The following STAU2 variants were observed in gnomAD, a reference collection of about 807,000 sequenced individuals.
STAU2 encodes the protein staufen double-stranded RNA binding protein 2.
Under a neutral mutation model 65.9 loss-of-function variants are expected in STAU2, and 20 were observed. The ratio of observed to expected loss-of-function variants is 0.30; its 90% CI spans 0.21 to 0.44. The LOEUF (loss-of-function observed/expected upper bound fraction) is 0.44. Ranked by LOEUF, STAU2 falls within the 20% of genes least tolerant of loss-of-function variation. The pLI, the probability that STAU2 is intolerant of heterozygous loss-of-function variation, is 1.00. For missense variants in STAU2, 558 were observed against 683.9 expected (o/e 0.82, Z 2.05); for synonymous variants, 232 against 233.9 (o/e 0.99, Z 0.07).
chr8:73,642,882 G>A (rs1442967967), intron 6 of STAU2, among the ~76,000 whole-genome samples: 2 of 152,196 alleles, frequency 1.3e-5, no homozygotes, highest in Non-Finnish European at 2.9e-5. Context: ...ACTGCAGCCA[G>A]TGTGGCTGGA....
intron 13 of STAU2, among the ~76,000 whole-genome samples, chr8:73,435,929 T>C (rs1223868960): frequency 2.0e-5 from 3 of 151,862 alleles, no homozygotes; most frequent in Non-Finnish European, 4.4e-5. Context: ...AGGGCAATCA[T>C]GGCTGAGTTC....
At chr8:73,438,369 C>T (rs1320903033) in intron 13 of STAU2, among the ~76,000 whole-genome samples, 2 of 152,184 alleles carry the variant, frequency 1.3e-5, no homozygotes, top group Admixed American at 6.5e-5. Context: ...GAGGAAAGGA[C>T]ATACAGCAAT....
intron 13 of STAU2, among the ~76,000 whole-genome samples, chr8:73,464,115 C>G (rs759403324): frequency 9.9e-5 from 15 of 152,084 alleles, no homozygotes; most frequent in Non-Finnish European, 1.5e-5. Context: ...TAAACTTTTC[C>G]GGGATATTGC....
At chr8:73,583,149 CTT>C (rs111660605) in intron 11 of STAU2, among the ~76,000 whole-genome samples, 38 of 141,542 alleles carry the variant, frequency 2.7e-4, no homozygotes, top group Admixed American at 3.5e-4. Context: ...AAAAATAAAT[CTT>C]TTTTTTTTTT....
At chr8:73,578,772 G>C (rs1051303950) in intron 12 of STAU2, among the ~76,000 whole-genome samples, 1 of 152,136 alleles carries the variant, frequency 6.6e-6, no homozygotes, top group African/African-American at 2.4e-5. Flanking sequence ...TATGTCTAAA[G>C]AAATAATTAA....
At chr8:73,524,885 T>TAC (rs1823261521) in intron 13 of STAU2, among the ~76,000 whole-genome samples, 1 of 152,204 alleles carries the variant, frequency 6.6e-6, no homozygotes, top group South Asian at 2.1e-4. Flanking sequence ...GAGATCAAGT[T>TAC]GATGCTGCTA....
intron 13 of STAU2, among the ~76,000 whole-genome samples, chr8:73,512,550 T>A (rs1822465694): frequency 6.6e-6 from 1 of 152,198 alleles, no homozygotes; most frequent in African/African-American, 2.4e-5. Context: ...GGTTTTTTTT[T>A]ACCAGTATAT....
chr8:73,505,261 A>G (rs1288331581), intron 13 of STAU2, among the ~76,000 whole-genome samples: 2 of 152,120 alleles, frequency 1.3e-5, no homozygotes, highest in East Asian at 3.9e-4. Context: ...GTAAAAATTA[A>G]TAAAACAGTT....
intron 12 of STAU2, among the ~76,000 whole-genome samples, chr8:73,557,487 C>A (rs1807877172): frequency 6.6e-6 from 1 of 152,132 alleles, no homozygotes; most frequent in Non-Finnish European, 1.5e-5. Context: ...TTAGGGTATG[C>A]ATATTTAAGG....
At chr8:73,587,055 C>A (rs1222114811) in intron 11 of STAU2, among the ~76,000 whole-genome samples, 1 of 151,972 alleles carries the variant, frequency 6.6e-6, no homozygotes, top group Non-Finnish European at 1.5e-5. Context: ...TATCTCAGAA[C>A]CCCTGAGAAA....
intron 13 of STAU2, among the ~76,000 whole-genome samples, chr8:73,526,464 A>G (rs1192909727): frequency 6.6e-6 from 1 of 152,244 alleles, no homozygotes; most frequent in Non-Finnish European, 1.5e-5. Context: ...TTGGACAATG[A>G]TAAATCATGA....
chr8:73,498,202 T>A (rs999868874), intron 13 of STAU2, among the ~76,000 whole-genome samples: 1 of 151,870 alleles, frequency 6.6e-6, no homozygotes, highest in African/African-American at 2.4e-5. Context: ...TGTAGTCACC[T>A]ATAATTCCTC....
chr8:73,717,426 T>C (rs561096050), intron 3 of STAU2, among the ~76,000 whole-genome samples: 1 of 152,322 alleles, frequency 6.6e-6, no homozygotes, highest in East Asian at 1.9e-4. Flanking sequence ...CAGAAGCCAT[T>C]TTGAGTTAGT....
At chr8:73,640,240 AT>A (rs1040609268) in intron 6 of STAU2, among the ~76,000 whole-genome samples, 61 of 152,184 alleles carry the variant, frequency 4.0e-4, no homozygotes, top group African/African-American at 1.4e-3. Context: ...AAAGAAAAAA[AT>A]GAAACAAAAT....
chr8:73,430,611 T>TA (rs964180209), intron 13 of STAU2, among the ~76,000 whole-genome samples: 3 of 152,184 alleles, frequency 2.0e-5, no homozygotes, highest in African/African-American at 7.2e-5. Context: ...GCAAGCAGAG[T>TA]GAGCTTTTGC....
chr8:73,654,262 G>A (rs2130257106), intron 6 of STAU2, among the ~76,000 whole-genome samples: 1 of 152,048 alleles, frequency 6.6e-6, no homozygotes, highest in African/African-American at 2.4e-5. Context: ...ATAAATGGGA[G>A]GATTACATTA....
intron 13 of STAU2, among the ~76,000 whole-genome samples, chr8:73,433,200 C>CATTT (rs965766810): frequency 6.6e-5 from 10 of 152,056 alleles, no homozygotes; most frequent in African/African-American, 1.9e-4. Context: ...TGGGTTTTGT[C>CATTT]ATTTATTTAT....
intron 12 of STAU2, among the ~76,000 whole-genome samples, chr8:73,578,185 G>A (rs192643843): frequency 4.6e-5 from 7 of 152,164 alleles, no homozygotes; most frequent in Admixed American, 3.3e-4. Flanking sequence ...TGAGCCAAGC[G>A]AGTTTTTAAA....
At chr8:73,455,971 T>C (rs1289864762) in intron 13 of STAU2, among the ~76,000 whole-genome samples, 2 of 152,176 alleles carry the variant, frequency 1.3e-5, no homozygotes, top group African/African-American at 4.8e-5. Flanking sequence ...CAAATCAAAG[T>C]TCACTGGCTG....
Sources: allele counts gnomAD v4.1 joint callset (sites outside exome capture counted in the v4.1 genomes callset), GRCh38; gene constraint gnomAD v4.1.1; transcripts MANE v1.5; gene names NCBI Gene and HGNC (gene_info 2026-07-23, HGNC 2026-07-21).